The following PDE8B variants were observed in gnomAD, a reference collection of about 807,000 sequenced individuals.
PDE8B encodes high affinity cAMP-specific and IBMX-insensitive 3',5'-cyclic phosphodiesterase 8B.
A neutral mutation model predicts 101.3 loss-of-function variants in PDE8B; 26 were observed. The ratio of observed to expected loss-of-function variants is 0.26; its 90% CI spans 0.19 to 0.36. PDE8B has a LOEUF of 0.36. PDE8B is among the 10% of genes least tolerant of loss of function. The pLI is 1.00. For missense variants in PDE8B, 810 were observed against 1,163.1 expected (o/e 0.70, Z 4.42); for synonymous variants, 424 against 429.3 (o/e 0.99, Z 0.15).
chr5:77,384,803 A>T (rs759125230), intron 10 of PDE8B, among the ~76,000 whole-genome samples: 1 of 152,156 alleles, frequency 6.6e-6, no homozygotes, highest in Non-Finnish European at 1.5e-5. Context: ...CTAACCAGCC[A>T]TGCATCCCAG....
intron 1 of PDE8B, among the ~76,000 whole-genome samples, chr5:77,248,724 A>G (rs1435557065): frequency 3.3e-5 from 5 of 152,190 alleles, no homozygotes; most frequent in Non-Finnish European, 5.9e-5. Context: ...TATGGACTGA[A>G]TTGTGTCCCT....
chr5:77,101,501 C>T, the PDE8B span, among the ~76,000 whole-genome samples: 1 of 152,158 alleles, frequency 6.6e-6, no homozygotes, highest in Non-Finnish European at 1.5e-5. Flanking sequence ...AACCAAACCT[C>T]CTACTCATTC....
the PDE8B span, among the ~76,000 whole-genome samples, chr5:77,186,112 C>T: frequency 2.0e-5 from 3 of 152,336 alleles, no homozygotes; most frequent in Admixed American, 6.5e-5. Context: ...GAGCCCTTCA[C>T]ACCCAGTGTC....
chr5:77,272,710 A>G (rs1763039524), intron 1 of PDE8B, among the ~76,000 whole-genome samples: 1 of 152,156 alleles, frequency 6.6e-6, no homozygotes. Flanking sequence ...ATTAGCCCAG[A>G]AGTAGGAATA....
chr5:77,267,359 G>A (rs1761935421), intron 1 of PDE8B, among the ~76,000 whole-genome samples: 1 of 151,688 alleles, frequency 6.6e-6, no homozygotes, highest in Non-Finnish European at 1.5e-5. Flanking sequence ...AGAATTGCTT[G>A]AACCTGGGAG....
chr5:77,409,064 G>T lies in PDE8B; in HGVS notation c.1530+7G>T. 1.9e-6 allele frequency: 3 copies of T among 1,613,044 alleles called. No individual in the cohort carries two copies. Among genetic ancestry groups the T allele is most frequent in the Non-Finnish European group, 2.5e-6 (3 of 1,179,082 alleles). ...TGTTGGAGGCCTGATGACTGTGAGT[G>T]ATGAGGCAAAACCTGAAAAGCAAGA... On this transcript the variant is annotated splice_region_variant and intron_variant, in intron 14 of 21. Transcript: ENST00000264917.
At chr5:77,110,645 C>T in the PDE8B span, among the ~76,000 whole-genome samples, 2,216 of 152,288 alleles carry the variant, frequency 0.015, 19 homozygotes, top group Non-Finnish European at 0.021. Context: ...TAAAGGAATT[C>T]CATGATGCTG....
the PDE8B span, chr5:77,180,333 C>A: frequency 1.8e-6 from 1 of 543,284 alleles, no homozygotes; most frequent in Non-Finnish European, 2.3e-6. Context: ...AGAGCCTTCA[C>A]GTGGGCACGA....
At chr5:77,172,654 A>C in the PDE8B span, among the ~76,000 whole-genome samples, 1 of 152,220 alleles carries the variant, frequency 6.6e-6, no homozygotes, top group Non-Finnish European at 1.5e-5. Context: ...TTGTATTTGG[A>C]AATTCAGAAA....
At chr5:77,322,231 G>A (rs534377316) in intron 2 of PDE8B, among the ~76,000 whole-genome samples, 207 of 152,266 alleles carry the variant, frequency 1.4e-3, no homozygotes, top group Non-Finnish European at 2.6e-3. Context: ...ATGGGCTCTG[G>A]ATTGGTTGAT....
chr5:77,211,145 C>A lies in PDE8B; in HGVS notation c.220C>A (p.Leu74Met), dbSNP rs1748257213. The change falls in exon 1 of 22, where the codon CTG becomes ATG. Residue 74 changes from leucine (L) to methionine (M), a missense_variant. Leu to Met is a conservative substitution (Grantham distance 15). This residue lies in a region of PDE8B where 159 missense variants were observed against 146.6 expected (regional missense o/e 1.08). Coordinates refer to ENST00000264917, the MANE Select transcript of PDE8B (RefSeq NM_003719.5). This position sits in a 1 kb window ranked among gnomAD's most constrained non-coding sequence, Gnocchi z 4.1. ...CCGCGTCCGCAGGGCCCGCACCGAG[C>A]TGGGCAGCGGTAGCAGCGCGGGTTC... is the stretch of plus-strand genomic sequence containing the variant. ...VARVRRARTE[L>M]GSGSSAGSAA... 1.3e-6 allele frequency: 2 copies of A among 1,527,622 alleles called. No homozygotes were observed. Among genetic ancestry groups the A allele is most frequent in the Non-Finnish European group, 1.7e-6 (2 of 1,143,942 alleles). The allele number at this position is 1,527,622 out of a possible 1,614,324, so 94.6% of individuals were successfully genotyped here.
chr5:77,344,771 A>G (rs923741369), intron 6 of PDE8B, 82 bp from the exon 7 acceptor site: 10 of 893,922 alleles, frequency 1.1e-5, no homozygotes, highest in Non-Finnish European at 1.9e-5. Flanking sequence ...TGAACCTGGT[A>G]TCTGTTTACT....
intron 1 of PDE8B, among the ~76,000 whole-genome samples, chr5:77,272,921 A>G (rs1301612621): frequency 6.6e-6 from 1 of 152,162 alleles, no homozygotes; most frequent in Non-Finnish European, 1.5e-5. Context: ...ATATTTAAGG[A>G]GAGAAAGTGA....
At chr5:77,308,545 A>T (rs2150094879) in intron 1 of PDE8B, among the ~76,000 whole-genome samples, 1 of 152,342 alleles carries the variant, frequency 6.6e-6, no homozygotes, top group Middle Eastern at 3.4e-3. Flanking sequence ...TGGGTAGGTC[A>T]GACAGGAGTT....
intron 9 of PDE8B, among the ~76,000 whole-genome samples, chr5:77,352,330 A>G (rs1781305977): frequency 6.6e-6 from 1 of 152,220 alleles, no homozygotes; most frequent in African/African-American, 2.4e-5. Context: ...AATCAAAGCT[A>G]AGAATCCCTT....
At position 77,211,182 on chromosome 5, in the gene PDE8B, C is replaced by T; in HGVS notation, c.257C>T (p.Ala86Val). ...SGSSAGSAAP[A>V]ATTSRGRRRH... The stretch of plus-strand genomic sequence containing the variant: ...AGCAGCGCGGGTTCCGCAGCCCCCG[C>T]CGCGACCACCAGCAGGGGCCGGAGG... Residue 86 changes from alanine (A) to valine (V), a missense_variant, in exon 1 of 22, where the codon GCC becomes GTC. By Grantham distance (64) the Ala-to-Val change is moderately conservative (BLOSUM62 0). Coordinates refer to ENST00000264917, the MANE Select transcript of PDE8B (RefSeq NM_003719.5). The surrounding 1 kb of genome is among the most constrained non-coding windows in gnomAD (Gnocchi z 4.1). The T allele has an allele frequency of 1.7e-5, 26 of 1,544,654 alleles. No individual in the cohort carries two copies. The highest frequency in any genetic ancestry group is 2.3e-5 in the Non-Finnish European group (26 of 1,152,728).
At chr5:77,150,418 T>G in the PDE8B span, among the ~76,000 whole-genome samples, 3 of 151,782 alleles carry the variant, frequency 2.0e-5, no homozygotes, top group African/African-American at 7.3e-5. Context: ...TTTATTAACT[T>G]TTCTCCCTTC....
intron 10 of PDE8B, among the ~76,000 whole-genome samples, chr5:77,386,025 T>C (rs1345340574): frequency 6.6e-6 from 1 of 152,060 alleles, no homozygotes; most frequent in Non-Finnish European, 1.5e-5. Flanking sequence ...CTGACCTTGT[T>C]ATCCACCTGC....
At chr5:77,118,189 C>G in the PDE8B span, 2 of 383,122 alleles carry the variant, frequency 5.2e-6, no homozygotes, top group African/African-American at 4.2e-5. Flanking sequence ...TAAAGTGATC[C>G]TCCTGCCTCA....
Sources: gnomAD v4.1 joint callset for allele counts (sites outside exome capture counted in the v4.1 genomes callset) on GRCh38, gnomAD v4.1.1 for gene constraint, gnomAD v4.1.1 regional missense constraint, Gnocchi (gnomAD v3.1) non-coding constraint, MANE v1.5 for transcripts, NCBI Gene and HGNC (gene_info 2026-07-23, HGNC 2026-07-21) for gene names.